The following PDE10A variants were observed in gnomAD, a reference collection of about 807,000 sequenced individuals.
PDE10A encodes cAMP and cAMP-inhibited cGMP 3',5'-cyclic phosphodiesterase 10A.
In PDE10A, 39 loss-of-function variants were observed where a neutral mutation model predicts 97.7. The ratio of observed to expected loss-of-function variants is 0.40; its 90% CI spans 0.31 to 0.52. The LOEUF is 0.52. Ranked by LOEUF, PDE10A falls within the 20% of genes least tolerant of loss-of-function variation. PDE10A has a pLI of 0.56. For synonymous variants in PDE10A, 371 were observed against 376.8 expected (o/e 0.98, Z 0.18); for missense variants, 731 against 1,047.8 (o/e 0.70, Z 4.17).
Position 165,663,165 on chromosome 6 carries a change from G to A in PDE10A, c.-354C>T, listed in dbSNP as rs1790381365. On this transcript the variant is annotated 5_prime_UTR_variant, in exon 1 of 22. Transcript: ENST00000539869. Reference sequence around the variant, plus strand: ...GGCGGCTGAGCCTCGGCGGCTTCTCGAAAGCAGCGGAGAAAAGCGCCGCAG... The same window carrying A: ...GGCGGCTGAGCCTCGGCGGCTTCTCAAAAGCAGCGGAGAAAAGCGCCGCAG... Among the ~76,000 whole-genome samples the A allele has an allele frequency of 6.6e-6, 1 of 151,886 alleles. No homozygotes were observed. The highest frequency in any genetic ancestry group is 1.5e-5 in the Non-Finnish European group (1 of 67,950).
intron 1 of PDE10A, among the ~76,000 whole-genome samples, chr6:165,654,821 T>A (rs925506257): frequency 2.6e-5 from 4 of 152,178 alleles, no homozygotes; most frequent in African/African-American, 9.6e-5. Context: ...ACCTGCTCTC[T>A]GGAGCATCTG....
intron 1 of PDE10A, among the ~76,000 whole-genome samples, chr6:165,875,061 G>A (rs1222201321): frequency 6.6e-6 from 1 of 152,168 alleles, no homozygotes; most frequent in Non-Finnish European, 1.5e-5. Context: ...ATACAAAAAG[G>A]TGATTGAGTG....
chr6:165,487,486 T>C (rs1458938428), intron 2 of PDE10A, among the ~76,000 whole-genome samples: 1 of 152,172 alleles, frequency 6.6e-6, no homozygotes, highest in Admixed American at 6.5e-5. Flanking sequence ...ACACAATAAA[T>C]GTAACATGCT....
chr6:165,687,460 AC>A (rs1791152767), intron 1 of PDE10A, among the ~76,000 whole-genome samples: 1 of 152,078 alleles, frequency 6.6e-6, no homozygotes, highest in Admixed American at 6.5e-5. Flanking sequence ...CTGAACTATC[AC>A]CCCATCTACA....
intron 1 of PDE10A, among the ~76,000 whole-genome samples, chr6:165,625,587 C>T (rs558176862): frequency 5.3e-5 from 8 of 152,334 alleles, no homozygotes; most frequent in African/African-American, 1.4e-4. Flanking sequence ...TCCCACCTGT[C>T]ATGGGAGGGA....
intron 1 of PDE10A, chr6:165,781,363 G>A (rs1485050423): frequency 6.6e-6 from 1 of 152,138 alleles, no homozygotes; most frequent in African/African-American, 2.4e-5. Flanking sequence ...TGGGGATCAG[G>A]TTAAGTGAAC....
At chr6:165,359,785 CATCTGTCACAT>C (rs201173259) in intron 18 of PDE10A, among the ~76,000 whole-genome samples, 5,015 of 152,190 alleles carry the variant, frequency 0.033, 122 homozygotes, top group Non-Finnish European at 0.045. Context: ...CTATATGTAA[CATCTGTCACAT>C]ATCTTTTTTT....
intron 2 of PDE10A, among the ~76,000 whole-genome samples, chr6:165,528,232 C>T (rs1470710331): frequency 5.1e-5 from 7 of 137,058 alleles, no homozygotes; most frequent in Non-Finnish European, 8.2e-5. Flanking sequence ...TTGTATGCCA[C>T]GTGAGTGCTC....
intron 1 of PDE10A, among the ~76,000 whole-genome samples, chr6:165,931,548 G>C (rs561956653): frequency 6.6e-6 from 1 of 152,306 alleles, no homozygotes; most frequent in African/African-American, 2.4e-5. Context: ...ATTATTTGCA[G>C]ATGTGAACAT....
chr6:165,710,656 A>G (rs899258466), intron 1 of PDE10A, among the ~76,000 whole-genome samples: 1 of 152,200 alleles, frequency 6.6e-6, no homozygotes, highest in Non-Finnish European at 1.5e-5. Context: ...GTTTAGCAAT[A>G]AAAGTCATCA....
At chr6:165,398,452 C>T (rs957110844) in intron 13 of PDE10A, among the ~76,000 whole-genome samples, 1 of 149,778 alleles carries the variant, frequency 6.7e-6, no homozygotes, top group Non-Finnish European at 1.5e-5. Context: ...TGCACTACTA[C>T]ACTTCAGCCT....
intron 1 of PDE10A, among the ~76,000 whole-genome samples, chr6:165,898,939 G>A (rs1301700642): frequency 6.6e-6 from 1 of 152,130 alleles, no homozygotes; most frequent in African/African-American, 2.4e-5. Context: ...ATTTCTTTGG[G>A]TCTCTTCTCA....
intron 2 of PDE10A, among the ~76,000 whole-genome samples, chr6:165,483,752 T>C (rs753385523): frequency 1.3e-4 from 20 of 152,216 alleles, no homozygotes; most frequent in Non-Finnish European, 2.4e-4. Context: ...AGCTATGACA[T>C]TATGGAATTT....
chr6:165,607,903 AGTCTCCGGTC>A (rs1382733656), intron 1 of PDE10A, among the ~76,000 whole-genome samples: 1 of 151,984 alleles, frequency 6.6e-6, no homozygotes, highest in Admixed American at 6.6e-5. Context: ...ATCACACCCA[AGTCTCCGGTC>A]CTCCGCTGAG....
chr6:165,358,020 G>C (rs1783142348), intron 18 of PDE10A, among the ~76,000 whole-genome samples: 1 of 152,040 alleles, frequency 6.6e-6, no homozygotes, highest in Non-Finnish European at 1.5e-5. Context: ...TGTTTTCACT[G>C]TCATTCTGGT....
At chr6:165,490,049 AGCCTT>A (rs1354472975) in intron 2 of PDE10A, among the ~76,000 whole-genome samples, 1 of 152,232 alleles carries the variant, frequency 6.6e-6, no homozygotes, top group African/African-American at 2.4e-5. Flanking sequence ...AAACTTACCT[AGCCTT>A]GCTAGAGATC....
intron 1 of PDE10A, among the ~76,000 whole-genome samples, chr6:165,746,051 C>T (rs930702719): frequency 2.0e-5 from 3 of 152,164 alleles, no homozygotes; most frequent in East Asian, 1.9e-4. Context: ...TGCTGACATA[C>T]GTGAATGGAT....
chr6:165,730,130 G>A (rs1792393989), intron 1 of PDE10A, among the ~76,000 whole-genome samples: 1 of 149,276 alleles, frequency 6.7e-6, no homozygotes, highest in Non-Finnish European at 1.5e-5. Flanking sequence ...AGATATATAT[G>A]TATATGAATA....
At chr6:165,693,528 C>CAAAA (rs55830575) in intron 1 of PDE10A, among the ~76,000 whole-genome samples, 818 of 56,372 alleles carry the variant, frequency 0.015, 18 homozygotes, top group East Asian at 0.04. Context: ...GAGGCTCCAC[C>CAAAA]AAAAAAAAAA....
Sources: allele counts gnomAD v4.1 joint callset (sites outside exome capture counted in the v4.1 genomes callset), GRCh38; gene constraint gnomAD v4.1.1; transcripts MANE v1.5; gene names NCBI Gene and HGNC (gene_info 2026-07-23, HGNC 2026-07-21).